Variants in TTN observed in about 807,000 individuals in gnomAD.
TTN encodes connectin.
TTN carries 1,525 observed loss-of-function variants against 3,223.0 expected under a neutral mutation model. That is an observed-to-expected ratio of 0.47 (90% CI 0.45 to 0.49). The LOEUF is 0.49. TTN is among the 20% of genes least tolerant of loss of function. The pLI, the probability that TTN is intolerant of heterozygous loss-of-function variation, is 0.00. For synonymous variants in TTN, 14,094 were observed against 15,161.0 expected (o/e 0.93, Z 5.17); for missense variants, 40,786 against 43,424.0 (o/e 0.94, Z 5.40).
Position 178,599,243 on chromosome 2 carries a change from T to A in TTN, c.56550A>T (p.Leu18850=). 3 of 1,555,500 alleles carry A rather than the reference T, an allele frequency of 1.9e-6. No individual in the cohort carries two copies. The South Asian group carries it at 3.8e-5, about 20-fold the overall frequency. The change falls in exon 290 of 363, where the codon CTA becomes CTT. Residue 18850 remains leucine, a synonymous_variant. Transcript: ENST00000589042. ...TTCGGAATACATATTCATGGCCTTC[T>A]AGCAATTTGGGAATCGTGTACGTGC... ...KECTYTIPKL[L]EGHEYVFRIM...
At position 178,576,659 on chromosome 2, in the gene TTN, G is replaced by A. The variant is rs67041405; in HGVS notation, c.69585C>T (p.Ser23195=). ...GTCCTGTTACTTTGCACCTGAGATC[G>A]GAAACTGGTGTTTTTATTGCTCTCA... ...RWVRAIKTPV[S]DLRCKVTGLQ... is the part of the protein sequence containing the mutation. Residue 23195 remains serine (S), a synonymous_variant, in exon 325 of 363, where the codon TCC becomes TCT. Coordinates refer to ENST00000589042, the MANE Select transcript of TTN (RefSeq NM_001267550.2). This position sits in a 1 kb window ranked among gnomAD's most constrained non-coding sequence, Gnocchi z 4.3. 0.013 allele frequency: 21,275 copies of A among 1,613,488 alleles called. 222 individuals are homozygous for A. The highest frequency in any genetic ancestry group is 0.015 in the Non-Finnish European group (17,303 of 1,179,608).
Position 178,725,609 on chromosome 2 carries a change from A to G in TTN, c.20595T>C (p.Val6865=). The change falls in exon 71 of 363, where the codon GTT becomes GTC. Residue 6865 remains valine, a synonymous_variant. Transcript: ENST00000589042. ...GTAATTCAGCAGGCTCTCCGGCTAC[A>G]ACAGTGAGGCTGTTCAGTTTGGAGA... The part of the protein sequence containing the change: ...RFVSKLNSLT[V]VAGEPAELQA... 6.2e-7 allele frequency: 1 copy of G among 1,607,414 alleles called. No homozygotes were observed. The highest frequency in any genetic ancestry group is 1.3e-5 in the African/African-American group (1 of 74,798).
At position 178,537,841 on chromosome 2, in the gene TTN, G is replaced by A. The variant is rs762528879; in HGVS notation, c.99366C>T (p.Cys33122=). 5 of 1,613,600 alleles carry A rather than the reference G, an allele frequency of 3.1e-6. No homozygotes were observed. In the South Asian group the frequency reaches 4.4e-5, roughly 14 times the overall value. ...CAGGAAGAGGCCTTCCAACAATCTG[G>A]CATGAGAGTTGAGCAGCTTCACCCA... ...TKLGEAAQLS[C]QIVGRPLPDI... Residue 33122 remains cysteine, a synonymous_variant, in exon 355 of 363, where the codon TGC becomes TGT. Coordinates refer to ENST00000589042, the MANE Select transcript of TTN (RefSeq NM_001267550.2).
chr2:178,782,339 T>A lies in TTN; in HGVS notation c.3253A>T (p.Ile1085Phe). ...GPGEPAAPYF[I>F]TKPVVQKLVE... ...AGTTTCTGGACCACTGGTTTTGTAA[T>A]AAAGTAAGGCGCGGCAGGTTCTCCA... The change falls in exon 20 of 363, where the codon ATT becomes TTT. Residue 1085 changes from isoleucine (I) to phenylalanine (F), a missense_variant. By Grantham distance (21) the Ile-to-Phe change is conservative. Transcript: ENST00000589042. The A allele has an allele frequency of 6.2e-7, 1 of 1,614,102 alleles. No homozygotes were observed. The highest frequency in any genetic ancestry group is 8.5e-7 in the Non-Finnish European group (1 of 1,179,996).
At chr2:178,777,654 G>A (rs1460077080) in intron 25 of TTN, 50 bp downstream of exon 25, 1 of 1,613,622 alleles carries the variant, frequency 6.2e-7, no homozygotes, top group Admixed American at 1.7e-5. Flanking sequence ...GCATACATAA[G>A]CTTGTTTTTG....
In TTN at chr2:178,575,350, A is replaced by G; in HGVS notation, c.70782T>C (p.Asn23594=). ...AGGTATATTCCTCTCCTTCAGTTAGATTCCTCACAACACATTCTAACCCTT... is the reference window on the plus strand; with the variant it reads ...AGGTATATTCCTCTCCTTCAGTTAGGTTCCTCACAACACATTCTAACCCTT... ...TVKGLECVVR[N]LTEGEEYTFQ... is the part of the protein sequence containing the mutation. The change falls in exon 326 of 363, where the codon AAT becomes AAC. Residue 23594 remains asparagine, a synonymous_variant. Transcript: ENST00000589042. The surrounding 1 kb of genome is among the most constrained non-coding windows in gnomAD (Gnocchi z 4.0). 1.2e-6 allele frequency: 2 copies of G among 1,613,544 alleles called. No individual in the cohort carries two copies. The highest frequency in any genetic ancestry group is 1.7e-6 in the Non-Finnish European group (2 of 1,179,672).
chr2:178,712,850 G>A lies in TTN; in HGVS notation c.27175C>T (p.Leu9059=). Residue 9059 remains leucine, a synonymous_variant, in exon 94 of 363, where the codon CTA becomes TTA. Coordinates refer to ENST00000589042, the MANE Select transcript of TTN (RefSeq NM_001267550.2). The stretch of plus-strand genomic sequence containing the variant: ...ACGTTGCATCTGTCACCTGGTACTA[G>A]TTCACTGCTACCTTTGAACCAGCTA... ...SVSWFKGSSE[L]VPGDRCNVSL... The A allele has an allele frequency of 1.9e-6, 3 of 1,613,774 alleles. No individual in the cohort carries two copies. Among genetic ancestry groups the A allele is most frequent in the Non-Finnish European group, 1.7e-6 (2 of 1,179,770 alleles).
chr2:178,785,770 C>T, intron 14 of TTN, 28 bp from the exon 15 acceptor site: 1 of 1,614,060 alleles, frequency 6.2e-7, no homozygotes, highest in East Asian at 2.2e-5. Flanking sequence ...TCAGTGATAC[C>T]ATTGATCACC....
In TTN at chr2:178,704,587, T is replaced by C; in HGVS notation, c.29885A>G (p.Asn9962Ser). Residue 9962 changes from asparagine (N) to serine (S), a missense_variant, in exon 105 of 363, where the codon AAC (asparagine) becomes AGC (serine). Coordinates refer to ENST00000589042, the MANE Select transcript of TTN (RefSeq NM_001267550.2). The part of the protein sequence containing the change: ...DGDRHTLRVK[N>S]CQLKDQGNYR... ...ATTGCCCTGGTCTTTAAGTTGACAG[T>C]TTTTGACTCTGAGTGTATGTCGGTC... 2 of 1,613,192 alleles carry C rather than the reference T, an allele frequency of 1.2e-6. No homozygotes were observed. The highest frequency in any genetic ancestry group is 1.7e-6 in the Non-Finnish European group (2 of 1,179,460).
intron 240 of TTN, among the ~76,000 whole-genome samples, chr2:178,626,906 A>C (rs2059134251): frequency 6.6e-6 from 1 of 151,920 alleles, no homozygotes; most frequent in Non-Finnish European, 1.5e-5. Flanking sequence ...GACACTGCTC[A>C]GAATGCAGTA....
At position 178,706,942 on chromosome 2, in the gene TTN, A is replaced by G. The variant is rs2154292661; in HGVS notation, c.29054T>C (p.Val9685Ala). Residue 9685 changes from valine (V) to alanine (A), a missense_variant, in exon 101 of 363, where the codon GTG becomes GCG. By Grantham distance (64) the Val-to-Ala change is moderately conservative. Transcript: ENST00000589042. Reference protein sequence around the residue: ...SKVTIKDKPAVAPATKKAAVD... With the variant: ...SKVTIKDKPAAAPATKKAAVD... ...CGCAGCTTTCTTGGTTGCTGGGGCC[A>G]CAGCTGGTTTGTCTGAAAAAACATT... 1 of 1,608,652 alleles carries G rather than the reference A, an allele frequency of 6.2e-7. No homozygotes were observed. Among genetic ancestry groups the G allele is most frequent in the Non-Finnish European group, 8.5e-7 (1 of 1,177,640 alleles).
In TTN at chr2:178,689,375, T is replaced by G; in HGVS notation, c.31928-2A>C. The stretch of plus-strand genomic sequence containing the variant: ...CTTTCTTCTTTGGTATTTCTGGCAC[T>G]TAAAGGATAGTATTGAATTTTAAAA... On this transcript the variant is annotated splice_acceptor_variant, in intron 123 of 362. Transcript: ENST00000589042. LOFTEE classifies it high-confidence loss of function. 6.2e-7 allele frequency: 1 copy of G among 1,613,814 alleles called. No homozygotes were observed. The highest frequency in any genetic ancestry group is 1.7e-5 in the Admixed American group (1 of 60,012).
At position 178,647,466 on chromosome 2, in the gene TTN, T is replaced by G; in HGVS notation, c.40058-2A>C. On this transcript the variant is annotated splice_acceptor_variant, in intron 213 of 362. Coordinates refer to ENST00000589042, the MANE Select transcript of TTN (RefSeq NM_001267550.2). LOFTEE classifies it high-confidence loss of function. ...TGATTTTCTCAGGCACTTTGGGCAC[T>G]TTAAAGATATGATTTTGTTTACTAT... 1 of 1,549,556 alleles carries G rather than the reference T, an allele frequency of 6.5e-7. No individual in the cohort carries two copies. The highest frequency in any genetic ancestry group is 8.7e-7 in the Non-Finnish European group (1 of 1,146,302).
At chr2:178,608,934 T>A in intron 273 of TTN, 26 bp from the exon 274 acceptor site, 1 of 1,590,522 alleles carries the variant, frequency 6.3e-7, no homozygotes, top group African/African-American at 1.4e-5. Flanking sequence ...AGAACAGTAA[T>A]CAAAAATTTG....
At chr2:178,675,581 A>AGTT in intron 149 of TTN, 90 bp downstream of exon 149, 1 of 1,011,552 alleles carries the variant, frequency 9.9e-7, no homozygotes, top group Non-Finnish European at 1.3e-6. Flanking sequence ...AGACCATACA[A>AGTT]TGCACACATT....
Position 178,611,577 on chromosome 2 carries a change from G to A in TTN, c.50652C>T (p.Ile16884=). ...KPPEKNGGSP[I]IGYHVEMCPV... ...GACACATTTCAACATGGTATCCTATGATAGGACTTCCACCATTTTTCTCTG... is the reference window on the plus strand; with the variant it reads ...GACACATTTCAACATGGTATCCTATAATAGGACTTCCACCATTTTTCTCTG... The change falls in exon 269 of 363, where the codon ATC becomes ATT. Residue 16884 remains isoleucine (I), a synonymous_variant. Coordinates refer to ENST00000589042, the MANE Select transcript of TTN (RefSeq NM_001267550.2). The A allele has an allele frequency of 6.2e-7, 1 of 1,613,020 alleles. No homozygotes were observed. Among genetic ancestry groups the A allele is most frequent in the Non-Finnish European group, 8.5e-7 (1 of 1,179,332 alleles).
In TTN at chr2:178,779,253, C is replaced by T. The variant is rs2154347674; in HGVS notation, c.3939G>A (p.Lys1313=). ...CCTTTGGTAATGGATATCCAGACATCTTGCAATGAAAAGTGACACCCATCC... is the reference window on the plus strand; with the variant it reads ...CCTTTGGTAATGGATATCCAGACATTTTGCAATGAAAAGTGACACCCATCC... ...LEGMGVTFHC[K]MSGYPLPKIA... The change falls in exon 23 of 363, where the codon AAG becomes AAA. Residue 1313 remains lysine (K), a synonymous_variant. Coordinates refer to ENST00000589042, the MANE Select transcript of TTN (RefSeq NM_001267550.2). 4.3e-6 allele frequency: 7 copies of T among 1,613,782 alleles called. No homozygotes were observed. Among genetic ancestry groups the T allele is most frequent in the South Asian group, 1.1e-5 (1 of 91,072 alleles).
At position 178,607,383 on chromosome 2, in the gene TTN, C is replaced by T; in HGVS notation, c.53287+18G>A. 12 of 1,612,756 alleles carry T rather than the reference C, an allele frequency of 7.4e-6. No homozygotes were observed. Among genetic ancestry groups the T allele is most frequent in the Non-Finnish European group, 1.0e-5 (12 of 1,179,288 alleles). On this transcript the variant is annotated intron_variant, in intron 277 of 362. Transcript: ENST00000589042. Reference sequence around the variant, plus strand: ...TCACTTGGGAAAATCCTGTGAAAATCAGTGCAACATTCCTTACCAAAAACT... The same window carrying T: ...TCACTTGGGAAAATCCTGTGAAAATTAGTGCAACATTCCTTACCAAAAACT...
chr2:178,751,131 C>T, intron 47 of TTN: 2 of 1,612,746 alleles, frequency 1.2e-6, no homozygotes, highest in Non-Finnish European at 1.7e-6. Context: ...TAACTTTCAG[C>T]TAGATCAGAC....
Sources: allele counts gnomAD v4.1 joint callset (sites outside exome capture counted in the v4.1 genomes callset), GRCh38; gene constraint gnomAD v4.1.1; non-coding constraint Gnocchi (gnomAD v3.1); transcripts MANE v1.5; gene names NCBI Gene and HGNC (gene_info 2026-07-23, HGNC 2026-07-21).